Variants in MYO10 observed in about 807,000 individuals in gnomAD.
The protein encoded by MYO10 is myosin X.
MYO10 carries 133 observed loss-of-function variants against 257.3 expected under a neutral mutation model. The observed-to-expected ratio is 0.52, with a 90% confidence interval of 0.45 to 0.60. The LOEUF (loss-of-function observed/expected upper bound fraction) is 0.60, where lower values mean the gene tolerates loss of function less well. Among genes scored for constraint, MYO10 ranks in the 20% least tolerant of loss-of-function variants. The pLI is 0.00. For synonymous variants in MYO10, 1,104 were observed against 1,028.6 expected, an observed-to-expected ratio of 1.07 and a Z score of -1.40; for missense variants, 2,399 against 2,635.7, an observed-to-expected ratio of 0.91 and a Z score of 1.97.
chr5:16,860,822 A>G (rs997189939), intron 2 of MYO10, among the ~76,000 whole-genome samples: 13 of 152,182 alleles, frequency 8.5e-5, no homozygotes, highest in African/African-American at 2.4e-5. Flanking sequence ...AGCACCGAAG[A>G]CATTCTACAG....
chr5:16,827,884 G>C (rs1743048031), intron 2 of MYO10, among the ~76,000 whole-genome samples: 1 of 152,136 alleles, frequency 6.6e-6, no homozygotes, highest in African/African-American at 2.4e-5. Context: ...TTTTTAAAAG[G>C]ATGAATTCAC....
chr5:16,786,328 A>C (rs1389082582), intron 4 of MYO10, among the ~76,000 whole-genome samples: 3 of 152,194 alleles, frequency 2.0e-5, no homozygotes, highest in African/African-American at 7.2e-5. Flanking sequence ...ATGCTTCAAG[A>C]GTGTATGACA....
chr5:16,738,118 CAG>C (rs1739879180), intron 19 of MYO10: 1 of 984,434 alleles, frequency 1.0e-6, no homozygotes. Context: ...TGGAAATACA[CAG>C]GGGAGAGGTA....
At chr5:16,713,426 A>C in intron 19 of MYO10, 1 of 985,830 alleles carries the variant, frequency 1.0e-6, no homozygotes, top group Non-Finnish European at 1.2e-6. Context: ...TTTTCCCCAC[A>C]GCTAAAGACA....
At chr5:16,794,504 T>C in intron 4 of MYO10, 142 bp downstream of exon 4, 1 of 750,688 alleles carries the variant, frequency 1.3e-6, no homozygotes, top group South Asian at 3.2e-5. Flanking sequence ...TACCATGCCA[T>C]TCAAAACAGA....
chr5:16,674,534 T>C (rs1460464896), intron 35 of MYO10, among the ~76,000 whole-genome samples: 1 of 151,626 alleles, frequency 6.6e-6, no homozygotes, highest in African/African-American at 2.4e-5. Flanking sequence ...AGATTGTTTC[T>C]ATCTCTTTGA....
At chr5:16,836,577 T>C (rs1019756) in intron 2 of MYO10, among the ~76,000 whole-genome samples, 24,567 of 152,212 alleles carry the variant, frequency 0.16, 2,232 homozygotes, top group East Asian at 0.26. Flanking sequence ...AGCCCCCACC[T>C]TGCGGATATC....
chr5:16,780,867 G>T, intron 6 of MYO10, 126 bp from the exon 7 acceptor site: 1 of 939,068 alleles, frequency 1.1e-6, no homozygotes, highest in Non-Finnish European at 1.6e-6. Flanking sequence ...TGACATAGAA[G>T]CTTCCAGTGC....
chr5:16,706,937 G>A (rs139844337), intron 21 of MYO10, among the ~76,000 whole-genome samples: 195 of 152,334 alleles, frequency 1.3e-3, no homozygotes, highest in African/African-American at 4.6e-3. Context: ...AGGTTTGGCT[G>A]TGTCCCCACT....
At position 16,769,056 on chromosome 5, in the gene MYO10, A is replaced by G. The variant is rs549441085; in HGVS notation, c.1060+18T>C. The G allele has an allele frequency of 5.0e-6, 8 of 1,597,688 alleles. No homozygotes were observed. Among genetic ancestry groups the G allele is most frequent in the African/African-American group, 4.1e-5 (3 of 74,068 alleles). On this transcript the variant is annotated intron_variant, in intron 10 of 40. Coordinates refer to ENST00000513610, the MANE Select transcript of MYO10 (RefSeq NM_012334.3). ...GGGGAACAAAGGGAGCGAGGAGGGC[A>G]GGCAGGCATAATCTTACCTGTTTTG... is the stretch of plus-strand genomic sequence containing the variant.
intron 33 of MYO10, among the ~76,000 whole-genome samples, chr5:16,676,360 C>A (rs1006194147): frequency 3.3e-5 from 5 of 152,140 alleles, no homozygotes; most frequent in African/African-American, 9.7e-5. Context: ...TTCTTATTTT[C>A]TCGTGCGTGT....
chr5:16,670,048 A>G (rs1462017806), intron 39 of MYO10, among the ~76,000 whole-genome samples: 1 of 152,174 alleles, frequency 6.6e-6, no homozygotes, highest in Non-Finnish European at 1.5e-5. Context: ...TTTCTTTTCA[A>G]TAAGCGGTCT....
chr5:16,840,930 CA>C (rs1253778560), intron 2 of MYO10, among the ~76,000 whole-genome samples: 2 of 151,906 alleles, frequency 1.3e-5, no homozygotes, highest in African/African-American at 4.8e-5. Flanking sequence ...CACCTGAGGT[CA>C]GGAGTTCGAG....
chr5:16,933,045 C>G (rs1338405316), intron 1 of MYO10, among the ~76,000 whole-genome samples: 1 of 152,192 alleles, frequency 6.6e-6, no homozygotes, highest in Admixed American at 6.5e-5. Context: ...AGGCTTGAGC[C>G]ACCGCACCCG....
At chr5:16,672,294 CAAAAA>C (rs10684695) in intron 37 of MYO10, among the ~76,000 whole-genome samples, 13 of 122,280 alleles carry the variant, frequency 1.1e-4, no homozygotes, top group African/African-American at 4.1e-4. Context: ...GACTCCATCT[CAAAAA>C]AAAAAAAAAG....
rs113920316 is a variant in MYO10 at position 16,853,815 on chromosome 5, T to C, written c.120+23794A>G. On this transcript the variant is annotated intron_variant, in intron 2 of 40. Coordinates refer to ENST00000513610, the MANE Select transcript of MYO10 (RefSeq NM_012334.3). ...CACACTGTCTACGTAAGTGTGTTCATCAAACCTCTGCTTTCAACCTCCTAT... is the reference window on the plus strand; with the variant it reads ...CACACTGTCTACGTAAGTGTGTTCACCAAACCTCTGCTTTCAACCTCCTAT... 1.9e-3 allele frequency among the ~76,000 whole-genome samples: 288 copies of C among 152,240 alleles called. 1 individual carries two copies. Among genetic ancestry groups the C allele is most frequent in the Admixed American group, 4.4e-3 (67 of 15,282 alleles).
At chr5:16,729,374 T>C (rs942551975) in intron 19 of MYO10, among the ~76,000 whole-genome samples, 2 of 152,162 alleles carry the variant, frequency 1.3e-5, no homozygotes, top group Non-Finnish European at 2.9e-5. Flanking sequence ...ACCTAAATTG[T>C]ACAACGATAA....
chr5:16,708,447 AG>A (rs1227466466), intron 21 of MYO10, among the ~76,000 whole-genome samples: 3 of 152,212 alleles, frequency 2.0e-5, no homozygotes, highest in African/African-American at 7.2e-5. Flanking sequence ...TTCTAAGTGA[AG>A]CTGGATTAGT....
intron 38 of MYO10, 120 bp from the exon 39 acceptor site, chr5:16,671,098 G>A (rs1030346416): frequency 1.0e-6 from 1 of 956,432 alleles, no homozygotes; most frequent in Non-Finnish European, 1.5e-6. Flanking sequence ...TGACTGCCCT[G>A]GCTAAAACTG....
Sources: allele counts gnomAD v4.1 joint callset (sites outside exome capture counted in the v4.1 genomes callset), GRCh38; gene constraint gnomAD v4.1.1; transcripts MANE v1.5; gene names NCBI Gene and HGNC (gene_info 2026-07-23, HGNC 2026-07-21).